SEMA3D: variants seen among roughly 807,000 people sequenced by gnomAD.
SEMA3D encodes semaphorin-3D.
A neutral mutation model predicts 100.1 loss-of-function variants in SEMA3D; 84 were observed. The ratio of observed to expected loss-of-function variants is 0.84; its 90% CI spans 0.70 to 1.01. The LOEUF (loss-of-function observed/expected upper bound fraction) is 1.01. Ranked by LOEUF, SEMA3D falls within the 50% of genes least tolerant of loss-of-function variation. The pLI is 0.00. For missense variants in SEMA3D, 875 were observed against 934.1 expected (o/e 0.94, Z 0.82); for synonymous variants, 312 against 320.7 (o/e 0.97, Z 0.29).
chr7:85,173,088 G>C (rs968758266), intron 1 of SEMA3D, among the ~76,000 whole-genome samples: 2 of 151,906 alleles, frequency 1.3e-5, no homozygotes, highest in South Asian at 2.1e-4. Context: ...AACTTGGAAG[G>C]CTAAGTAAAT....
intron 1 of SEMA3D, among the ~76,000 whole-genome samples, chr7:85,179,991 G>A (rs1448102639): frequency 6.6e-6 from 1 of 152,212 alleles, no homozygotes; most frequent in Non-Finnish European, 1.5e-5. Context: ...ATGCTGAAAT[G>A]AGTTAAGACT....
intron 1 of SEMA3D, chr7:85,157,679 A>G: frequency 3.1e-6 from 3 of 981,768 alleles, no homozygotes; most frequent in Non-Finnish European, 3.6e-6. Flanking sequence ...ACAAAGCAAA[A>G]CAAAACAAGC....
chr7:85,138,825 T>A (rs1289100189), intron 2 of SEMA3D, among the ~76,000 whole-genome samples: 1 of 151,446 alleles, frequency 6.6e-6, no homozygotes, highest in Non-Finnish European at 1.5e-5. Flanking sequence ...CCCTACCTGC[T>A]GACAGGCCCC....
the SEMA3D span, among the ~76,000 whole-genome samples, chr7:85,246,738 T>C: frequency 6.6e-6 from 1 of 151,938 alleles, no homozygotes; most frequent in African/African-American, 2.4e-5. Context: ...TAATTCCCTA[T>C]GACCTGGAAT....
Position 85,150,487 on chromosome 7 carries a change from T to TACAC in SEMA3D, c.-41+3117_-41+3120dup, listed in dbSNP as rs373484834. Among the ~76,000 whole-genome samples, 108 of 135,966 alleles carry TACAC rather than the reference T, an allele frequency of 7.9e-4. 1 individual carries two copies. Among genetic ancestry groups the TACAC allele is most frequent in the East Asian group, 6.6e-3 (31 of 4,704 alleles). The allele number at this position is 135,966 out of a possible 152,430, so 89.2% of individuals were successfully genotyped here. A position where few individuals can be genotyped will look rare whatever the true frequency, so the allele number is the denominator to read the frequency against. On this transcript the variant is annotated intron_variant, in intron 2 of 18. Transcript: ENST00000284136. ...ATATATTTACAGGGATATATATATATACACACACACACACACATATATTTA... is the reference window on the plus strand; with the variant it reads ...ATATATTTACAGGGATATATATATATACACACACACACACACACACATATATTTA...
At chr7:85,082,640 G>A (rs139579872) in intron 4 of SEMA3D, among the ~76,000 whole-genome samples, 173 of 152,282 alleles carry the variant, frequency 1.1e-3, no homozygotes, top group African/African-American at 3.9e-3. Context: ...CACTGAAAGA[G>A]ACTTGTTAAA....
the SEMA3D span, among the ~76,000 whole-genome samples, chr7:85,200,748 C>T: frequency 6.6e-6 from 1 of 152,166 alleles, no homozygotes; most frequent in Non-Finnish European, 1.5e-5. Context: ...TGATAGAGGT[C>T]TTCAGGGCAG....
intron 3 of SEMA3D, among the ~76,000 whole-genome samples, chr7:85,106,082 T>C (rs1161437949): frequency 6.6e-6 from 1 of 152,118 alleles, no homozygotes; most frequent in East Asian, 1.9e-4. Context: ...GGGATCTTTT[T>C]TCCTATTGAC....
chr7:85,160,478 G>A (rs576351844), intron 1 of SEMA3D, among the ~76,000 whole-genome samples: 1 of 152,254 alleles, frequency 6.6e-6, no homozygotes, highest in South Asian at 2.1e-4. Context: ...TTTCCACGAT[G>A]GAAAAAGAAT....
the SEMA3D span, among the ~76,000 whole-genome samples, chr7:85,193,229 G>GT: frequency 6.6e-6 from 1 of 152,098 alleles, no homozygotes; most frequent in African/African-American, 2.4e-5. Context: ...CTTTCTTCAG[G>GT]TGGGAAAACC....
the SEMA3D span, among the ~76,000 whole-genome samples, chr7:85,197,033 A>G: frequency 8.7e-6 from 1 of 115,070 alleles, no homozygotes; most frequent in Non-Finnish European, 1.7e-5. Context: ...TTAATCCTGT[A>G]TATTGTGACT....
intron 2 of SEMA3D, 76 bp downstream of exon 2, chr7:85,153,532 T>C (rs1790491165): frequency 6.8e-6 from 1 of 146,000 alleles, no homozygotes; most frequent in African/African-American, 2.5e-5. Context: ...GTAGGAGAAA[T>C]GCATCTATCT....
chr7:85,042,350 G>A, intron 9 of SEMA3D, 65 bp from the exon 10 acceptor site: 2 of 1,157,892 alleles, frequency 1.7e-6, no homozygotes, highest in Non-Finnish European at 2.6e-6. Flanking sequence ...ACTAAAACTG[G>A]TGGCTATTAC....
At chr7:85,080,754 A>G (rs1035916787) in intron 5 of SEMA3D, among the ~76,000 whole-genome samples, 1 of 152,144 alleles carries the variant, frequency 6.6e-6, no homozygotes, top group Admixed American at 6.5e-5. Context: ...CATAGCCCTC[A>G]TTGCTGGAGA....
At chr7:85,051,500 C>A (rs541145977) in intron 9 of SEMA3D, among the ~76,000 whole-genome samples, 24 of 152,030 alleles carry the variant, frequency 1.6e-4, no homozygotes, top group Admixed American at 4.6e-4. Flanking sequence ...AGACACTTTT[C>A]TCTTCTATTT....
intron 4 of SEMA3D, among the ~76,000 whole-genome samples, chr7:85,087,438 G>A (rs1049618949): frequency 4.6e-5 from 7 of 152,130 alleles, no homozygotes; most frequent in African/African-American, 1.4e-4. Flanking sequence ...CCACGTGCAG[G>A]AGACATCAGA....
the SEMA3D span, among the ~76,000 whole-genome samples, chr7:85,249,763 T>C: frequency 1.3e-5 from 2 of 152,178 alleles, no homozygotes; most frequent in African/African-American, 4.8e-5. Context: ...TTCTTAAGAT[T>C]CAGAACTCCA....
chr7:85,187,436 A>G (rs969453216), upstream of SEMA3D, among the ~76,000 whole-genome samples: 2 of 152,178 alleles, frequency 1.3e-5, no homozygotes, highest in African/African-American at 2.4e-5. Context: ...GCGTTCCACT[A>G]TGTAAAACCT....
intron 7 of SEMA3D, among the ~76,000 whole-genome samples, chr7:85,066,913 C>CACACAGAG: frequency 5.6e-4 from 72 of 127,822 alleles, no homozygotes; most frequent in African/African-American, 2.2e-3. Context: ...CACACACACA[C>CACACAGAG]AGAGAGAGAG....
Sources: gnomAD v4.1 joint callset for allele counts (sites outside exome capture counted in the v4.1 genomes callset) on GRCh38, gnomAD v4.1.1 for gene constraint, MANE v1.5 for transcripts, NCBI Gene and HGNC (gene_info 2026-07-23, HGNC 2026-07-21) for gene names.